The following CFAP299 variants were observed in gnomAD, a reference collection of about 807,000 sequenced individuals.
The protein encoded by CFAP299 is cilia- and flagella-associated protein 299.
Under a neutral mutation model 27.0 loss-of-function variants are expected in CFAP299, and 21 were observed. The observed-to-expected ratio is 0.78, with a 90% CI of 0.55 to 1.12. The LOEUF is 1.12. Ranked by LOEUF, CFAP299 falls within the 50% of genes most tolerant of loss-of-function variation. CFAP299 has a pLI of 0.00. For synonymous variants in CFAP299, 104 were observed against 98.1 expected, an observed-to-expected ratio of 1.06 and a Z score of -0.36; for missense variants, 310 against 276.6, an observed-to-expected ratio of 1.12 and a Z score of -0.86.
At chr4:80,770,160 G>C (rs190317727) in intron 3 of CFAP299, among the ~76,000 whole-genome samples, 639 of 152,248 alleles carry the variant, frequency 4.2e-3, no homozygotes, top group Non-Finnish European at 6.8e-3. Context: ...ATGTTCTCGA[G>C]GACTTTGTGG....
intron 3 of CFAP299, among the ~76,000 whole-genome samples, chr4:80,845,261 C>A (rs188425143): frequency 6.8e-6 from 1 of 147,926 alleles, no homozygotes; most frequent in African/African-American, 2.5e-5. Flanking sequence ...ATACCACCAT[C>A]TGCTCAAGTC....
At chr4:80,387,444 G>T in intron 2 of CFAP299, 2 of 844,158 alleles carry the variant, frequency 2.4e-6, no homozygotes, top group Admixed American at 1.8e-5. Context: ...CTGTAGATGA[G>T]GACTACCTGC....
At chr4:80,677,896 C>G (rs1719573026) in intron 3 of CFAP299, among the ~76,000 whole-genome samples, 1 of 152,038 alleles carries the variant, frequency 6.6e-6, no homozygotes, top group Non-Finnish European at 1.5e-5. Context: ...AACTGCATTT[C>G]AAGCCAAAAT....
intron 2 of CFAP299, among the ~76,000 whole-genome samples, chr4:80,489,827 A>T (rs1327900814): frequency 6.6e-6 from 1 of 152,174 alleles, no homozygotes; most frequent in Non-Finnish European, 1.5e-5. Context: ...GACCATTAAG[A>T]TTGTTCATCT....
chr4:80,894,794 G>A (rs184471237), intron 4 of CFAP299, among the ~76,000 whole-genome samples: 2,913 of 151,422 alleles, frequency 0.019, 73 homozygotes, highest in African/African-American at 0.065. Flanking sequence ...GTGAGTGTGT[G>A]TGTGAGAGAG....
chr4:80,854,108 A>T (rs35489501), intron 3 of CFAP299, among the ~76,000 whole-genome samples: 22,674 of 152,168 alleles, frequency 0.15, 2,040 homozygotes, highest in Middle Eastern at 0.28. Context: ...AAGAGATTGA[A>T]GAAGCAGAAT....
At chr4:80,677,938 CTGAAAG>C (rs1184912616) in intron 3 of CFAP299, among the ~76,000 whole-genome samples, 2 of 152,174 alleles carry the variant, frequency 1.3e-5, no homozygotes, top group African/African-American at 4.8e-5. Flanking sequence ...CAGTGTGCTG[CTGAAAG>C]CCAGTCTTCA....
At chr4:80,854,008 T>C (rs1319412030) in intron 3 of CFAP299, among the ~76,000 whole-genome samples, 2 of 152,074 alleles carry the variant, frequency 1.3e-5, no homozygotes, top group Non-Finnish European at 2.9e-5. Context: ...GATCAACTGG[T>C]GTGTGAATGC....
intron 3 of CFAP299, among the ~76,000 whole-genome samples, chr4:80,626,397 A>G (rs1484780627): frequency 6.6e-6 from 1 of 151,930 alleles, no homozygotes; most frequent in African/African-American, 2.4e-5. Context: ...CTAAGAAGGA[A>G]GCATGTAGCT....
At chr4:80,485,292 A>G (rs1192883576) in intron 2 of CFAP299, among the ~76,000 whole-genome samples, 1 of 150,038 alleles carries the variant, frequency 6.7e-6, no homozygotes, top group Non-Finnish European at 1.5e-5. Flanking sequence ...TATAAAACAA[A>G]TTGAACTATA....
intron 2 of CFAP299, among the ~76,000 whole-genome samples, chr4:80,397,788 G>T (rs1284901884): frequency 6.6e-6 from 1 of 152,164 alleles, no homozygotes; most frequent in African/African-American, 2.4e-5. Context: ...AGACAGGGAT[G>T]CCCTTTCTCA....
chr4:80,441,729 C>A (rs565728947), intron 2 of CFAP299, among the ~76,000 whole-genome samples: 2 of 152,270 alleles, frequency 1.3e-5, no homozygotes, highest in South Asian at 4.1e-4. Context: ...TGTAAATGGG[C>A]TAAATGCCCC....
intron 3 of CFAP299, among the ~76,000 whole-genome samples, chr4:80,861,198 G>A (rs1340152235): frequency 1.3e-5 from 2 of 152,352 alleles, no homozygotes; most frequent in Non-Finnish European, 2.9e-5. Context: ...CTCCGTGGGT[G>A]TAGGACCCTC....
At chr4:80,883,534 G>A (rs1049292945) in intron 4 of CFAP299, among the ~76,000 whole-genome samples, 16 of 151,872 alleles carry the variant, frequency 1.1e-4, no homozygotes, top group African/African-American at 3.9e-4. Context: ...GCCTACAAAC[G>A]ACTCAGTTTA....
intron 2 of CFAP299, among the ~76,000 whole-genome samples, chr4:80,466,377 C>T (rs1187535108): frequency 2.6e-5 from 4 of 152,044 alleles, no homozygotes; most frequent in Admixed American, 6.6e-5. Context: ...TTTTAAGGTT[C>T]CAAAAATTCT....
rs70944794 is a variant in CFAP299 at position 80,581,453 on chromosome 4, GATATATATATAT to G, written c.243-1615_243-1604del. On this transcript the variant is annotated intron_variant, in intron 2 of 5. Transcript: ENST00000358105. The stretch of plus-strand genomic sequence containing the variant: ...TGATATATATATAGATATTAAGTGA[GATATATATATAT>G]ATATATATATATATATATATATATG... Among the ~76,000 whole-genome samples, 36 of 103,016 alleles carry G rather than the reference GATATATATATAT, an allele frequency of 3.5e-4. 1 individual carries two copies. Among genetic ancestry groups the G allele is most frequent in the South Asian group, 2.7e-3 (8 of 2,926 alleles). The allele number at this position is 103,016 out of a possible 152,430, so 67.6% of individuals were successfully genotyped here.
chr4:80,344,334 C>T (rs1027180553), intron 1 of CFAP299, among the ~76,000 whole-genome samples: 2 of 151,748 alleles, frequency 1.3e-5, no homozygotes, highest in Admixed American at 6.6e-5. Context: ...CCACTGACCC[C>T]ACAAAAATAC....
At chr4:80,342,318 A>C (rs943069696) in intron 1 of CFAP299, among the ~76,000 whole-genome samples, 1 of 152,172 alleles carries the variant, frequency 6.6e-6, no homozygotes, top group Non-Finnish European at 1.5e-5. Flanking sequence ...AATACAGACA[A>C]CTCTAGTAAG....
chr4:80,799,897 T>C (rs1408796886), intron 3 of CFAP299, among the ~76,000 whole-genome samples: 26 of 40,848 alleles, frequency 6.4e-4, no homozygotes, highest in Non-Finnish European at 9.5e-4. Context: ...ATATAAATTA[T>C]ATATTATAAT....
Sources: allele counts gnomAD v4.1 joint callset (sites outside exome capture counted in the v4.1 genomes callset), GRCh38; gene constraint gnomAD v4.1.1; transcripts MANE v1.5; gene names NCBI Gene and HGNC (gene_info 2026-07-23, HGNC 2026-07-21).